The following GRIA1 variants were observed in gnomAD, a reference collection of about 807,000 sequenced individuals.
The protein encoded by GRIA1 is glutamate receptor 1.
Under a neutral mutation model 99.2 loss-of-function variants are expected in GRIA1, and 31 were observed. That is an observed-to-expected ratio of 0.31 (90% CI 0.23 to 0.42). The LOEUF is 0.42. GRIA1 is among the 10% of genes least tolerant of loss of function. The probability of loss-of-function intolerance (pLI) is 1.00; values close to 1 mark genes in which losing one functional copy is unlikely to be tolerated. For synonymous variants in GRIA1, 438 were observed against 432.4 expected (o/e 1.01, Z -0.16); for missense variants, 782 against 1,157.5 (o/e 0.68, Z 4.71).
At chr5:153,788,271 A>C (rs1240577482) in intron 13 of GRIA1, among the ~76,000 whole-genome samples, 1 of 152,042 alleles carries the variant, frequency 6.6e-6, no homozygotes, top group Non-Finnish European at 1.5e-5. Context: ...ATGTATCCTG[A>C]ACGTACAGCC....
intron 2 of GRIA1, among the ~76,000 whole-genome samples, chr5:153,562,116 C>T (rs1169263090): frequency 6.6e-6 from 1 of 151,812 alleles, no homozygotes; most frequent in Non-Finnish European, 1.5e-5. Context: ...TTGAGAACAA[C>T]TACGAATGGT....
intron 2 of GRIA1, among the ~76,000 whole-genome samples, chr5:153,531,601 A>G (rs2113435673): frequency 6.6e-6 from 1 of 152,334 alleles, no homozygotes; most frequent in Admixed American, 6.5e-5. Context: ...TATATTTAGC[A>G]AAAGTCTGCA....
chr5:153,625,760 T>C (rs1767540289), intron 2 of GRIA1, among the ~76,000 whole-genome samples: 1 of 152,212 alleles, frequency 6.6e-6, no homozygotes, highest in African/African-American at 2.4e-5. Flanking sequence ...ATAGCAACAT[T>C]TACTGAGCAA....
At chr5:153,792,821 A>G (rs1320019094) in intron 13 of GRIA1, among the ~76,000 whole-genome samples, 1 of 152,214 alleles carries the variant, frequency 6.6e-6, no homozygotes, top group Admixed American at 6.5e-5. Flanking sequence ...GTACTGGCCC[A>G]TAAAGGTACC....
At chr5:153,555,091 C>T (rs1363477049) in intron 2 of GRIA1, among the ~76,000 whole-genome samples, 2 of 152,174 alleles carry the variant, frequency 1.3e-5, no homozygotes, top group South Asian at 2.1e-4. Context: ...TCTTAGCATA[C>T]AGCAGCCTGG....
At chr5:153,553,567 T>C (rs1760347175) in intron 2 of GRIA1, among the ~76,000 whole-genome samples, 1 of 152,166 alleles carries the variant, frequency 6.6e-6, no homozygotes. Flanking sequence ...ACTGTCCATA[T>C]GCACAGTGGC....
Position 153,705,866 on chromosome 5 carries a change from T to C in GRIA1, c.1622T>C (p.Met541Thr). 1.2e-6 allele frequency: 2 copies of C among 1,614,000 alleles called. No individual in the cohort carries two copies. The highest frequency in any genetic ancestry group is 1.3e-5 in the African/African-American group (1 of 74,962). The change falls in exon 11 of 16, where the codon ATG becomes ACG. Residue 541 changes from methionine (M) to threonine (T), a missense_variant. Coordinates refer to ENST00000285900, the MANE Select transcript of GRIA1 (RefSeq NM_000827.4). ...GATCCTTTGGCTTATGAGATTTGGA[T>C]GTGCATTGTTTTTGCCTACATTGGA... ...FLDPLAYEIWMCIVFAYIGVS... is the reference protein window; with the variant it reads ...FLDPLAYEIWTCIVFAYIGVS...
chr5:153,592,023 T>C (rs1764017970), intron 2 of GRIA1, among the ~76,000 whole-genome samples: 1 of 151,896 alleles, frequency 6.6e-6, no homozygotes, highest in Non-Finnish European at 1.5e-5. Context: ...TCTCGGGCTT[T>C]ATTCTTTTGC....
intron 2 of GRIA1, among the ~76,000 whole-genome samples, chr5:153,634,096 C>T (rs1371233670): frequency 6.6e-6 from 1 of 152,072 alleles, no homozygotes; most frequent in Non-Finnish European, 1.5e-5. Flanking sequence ...GCGGGTGGAT[C>T]ACAAGGTCAG....
rs1351408817 is a variant in GRIA1, at chr5:153,647,923, A to G, written c.460+756A>G. Among the ~76,000 whole-genome samples, 4 of 152,094 alleles carry G rather than the reference A, an allele frequency of 2.6e-5. No homozygotes were observed. In the East Asian group the frequency reaches 7.7e-4, roughly 29 times the overall value. ...TTTTGCAGGATGTCCCTATTCCCCA[A>G]TTCTGTGGATGGGAGCACTCTCTCC... On this transcript the variant is annotated intron_variant, in intron 3 of 15. Transcript: ENST00000285900.
At chr5:153,787,098 C>T (rs890464047) in intron 13 of GRIA1, among the ~76,000 whole-genome samples, 38 of 152,130 alleles carry the variant, frequency 2.5e-4, no homozygotes, top group African/African-American at 9.2e-4. Context: ...AAATTAAAAC[C>T]ATCTGAAATA....
intron 11 of GRIA1, among the ~76,000 whole-genome samples, chr5:153,742,528 T>C (rs1328375514): frequency 1.3e-5 from 2 of 152,166 alleles, no homozygotes; most frequent in African/African-American, 4.8e-5. Context: ...CAGGGTGATA[T>C]TTGTTTCTGG....
At chr5:153,546,846 G>T (rs72800764) in intron 2 of GRIA1, among the ~76,000 whole-genome samples, 7,627 of 152,254 alleles carry the variant, frequency 0.05, 263 homozygotes, top group Non-Finnish European at 0.076. Flanking sequence ...TTTTATTGTA[G>T]TTGAAGGGCA....
chr5:153,521,932 T>C (rs919412700), intron 2 of GRIA1, among the ~76,000 whole-genome samples: 10 of 152,198 alleles, frequency 6.6e-5, no homozygotes, highest in Non-Finnish European at 1.3e-4. Flanking sequence ...GATTTTACAG[T>C]TTGCTTTTAA....
intron 1 of GRIA1, chr5:153,492,368 C>G: frequency 1.4e-6 from 2 of 1,439,096 alleles, no homozygotes; most frequent in Non-Finnish European, 1.8e-6. Context: ...AGGGGAGACA[C>G]TTCCCTTGTA....
intron 2 of GRIA1, among the ~76,000 whole-genome samples, chr5:153,605,220 TA>T (rs1033415650): frequency 7.2e-5 from 11 of 152,016 alleles, no homozygotes; most frequent in African/African-American, 2.7e-4. Flanking sequence ...TATTAACACT[TA>T]AAAAGGCACA....
At chr5:153,499,332 A>G (rs1754738399) in intron 2 of GRIA1, among the ~76,000 whole-genome samples, 1 of 152,062 alleles carries the variant, frequency 6.6e-6, no homozygotes, top group Admixed American at 6.6e-5. Context: ...ATCTATGAAT[A>G]TGGCCAGGGG....
chr5:153,493,352 C>G (rs1754099320), intron 1 of GRIA1, among the ~76,000 whole-genome samples: 1 of 152,082 alleles, frequency 6.6e-6, no homozygotes, highest in Admixed American at 6.5e-5. Context: ...AATAATAAAC[C>G]TTAGGGGCAA....
At chr5:153,624,409 C>A (rs889669065) in intron 2 of GRIA1, among the ~76,000 whole-genome samples, 1 of 152,178 alleles carries the variant, frequency 6.6e-6, no homozygotes, top group Non-Finnish European at 1.5e-5. Context: ...GCCTGCTTGT[C>A]ATGCTTCTCT....
Sources: allele counts gnomAD v4.1 joint callset (sites outside exome capture counted in the v4.1 genomes callset), GRCh38; gene constraint gnomAD v4.1.1; transcripts MANE v1.5; gene names NCBI Gene and HGNC (gene_info 2026-07-23, HGNC 2026-07-21).